Variants in CLTC observed in about 807,000 individuals in gnomAD.
The protein encoded by CLTC is clathrin heavy chain, also known as clathrin heavy chain 1.
In CLTC, 16 loss-of-function variants were observed where a neutral mutation model predicts 195.8. The observed-to-expected ratio is 0.08, with a 90% CI of 0.06 to 0.12. The LOEUF (loss-of-function observed/expected upper bound fraction) is 0.12. CLTC is among the 10% of genes least tolerant of loss of function. The pLI, the probability that CLTC is intolerant of heterozygous loss-of-function variation, is 1.00. For missense variants in CLTC, 796 were observed against 2,027.0 expected (o/e 0.39, Z 11.66); for synonymous variants, 667 against 689.4 (o/e 0.97, Z 0.51).
intron 1 of CLTC, among the ~76,000 whole-genome samples, chr17:59,622,869 A>G (rs1204114601): frequency 6.6e-6 from 1 of 152,194 alleles, no homozygotes; most frequent in African/African-American, 2.4e-5. Context: ...ACATTGTCCA[A>G]CTGAAGGATC....
chr17:59,627,664 A>C lies in CLTC; in HGVS notation c.42+7491A>C, dbSNP rs184272540. ...AACTAACATCTGACTTTATGCCTTG[A>C]ATGATTATTTAGCTGTATCTTTTTT... On this transcript the variant is annotated intron_variant, in intron 1 of 31. Coordinates refer to ENST00000269122, the MANE Select transcript of CLTC (RefSeq NM_004859.4). Among the ~76,000 whole-genome samples the C allele has an allele frequency of 3.3e-4, 50 of 152,300 alleles. 1 individual carries two copies. In the East Asian group the frequency reaches 9.6e-3, roughly 29 times the overall value.
chr17:59,632,367 C>CAAAA (rs11449653), intron 1 of CLTC, among the ~76,000 whole-genome samples: 1 of 111,536 alleles, frequency 9.0e-6, no homozygotes, highest in African/African-American at 3.7e-5. Flanking sequence ...GAATCCATCT[C>CAAAA]AAAAAAAAAA....
At position 59,694,774 on chromosome 17, in the gene CLTC, GA is replaced by G. The variant is rs1197780821; in HGVS notation, c.*924del. On this transcript the variant is annotated 3_prime_UTR_variant, in exon 32 of 32. Coordinates refer to ENST00000269122, the MANE Select transcript of CLTC (RefSeq NM_004859.4). Reference sequence around the variant, plus strand: ...ATTACTGGACTGTGGAAATAACATAGAATTGAAGTTTTAATTAAATACCACT... The same window carrying G: ...ATTACTGGACTGTGGAAATAACATAGATTGAAGTTTTAATTAAATACCACT... The G allele has an allele frequency of 1.3e-5, 3 of 225,600 alleles. No homozygotes were observed. Among genetic ancestry groups the G allele is most frequent in the Non-Finnish European group, 2.6e-5 (3 of 113,438 alleles). The allele number at this position is 225,600 out of a possible 1,614,324, so 14.0% of individuals were successfully genotyped here.
At chr17:59,646,071 GAATA>G in intron 2 of CLTC, 1 of 664,124 alleles carries the variant, frequency 1.5e-6, no homozygotes, top group Non-Finnish European at 1.9e-6. Flanking sequence ...TCTATAAAAA[GAATA>G]AATTGAAAAG....
chr17:59,631,240 A>G (rs1178544732), intron 1 of CLTC, among the ~76,000 whole-genome samples: 2 of 152,152 alleles, frequency 1.3e-5, no homozygotes, highest in Non-Finnish European at 2.9e-5. Context: ...ATACCCCTAC[A>G]TGTATCTGTG....
Position 59,666,234 on chromosome 17 carries a change from G to A in CLTC, c.1776G>A (p.Ala592=), listed in dbSNP as rs542518911. 52 of 1,613,242 alleles carry A rather than the reference G, an allele frequency of 3.2e-5. No individual in the cohort carries two copies. Among genetic ancestry groups the A allele is most frequent in the East Asian group, 2.9e-4 (13 of 44,842 alleles). The change falls in exon 11 of 32, where the codon GCG becomes GCA. Residue 592 remains alanine (A), a synonymous_variant. Coordinates refer to ENST00000269122, the MANE Select transcript of CLTC (RefSeq NM_004859.4). The surrounding 1 kb of genome is among the most constrained non-coding windows in gnomAD (Gnocchi z 4.9). ...TACTTGAGATGAACCTTATGCATGC[G>A]CCTCAAGTATGTGTTTTAATGCTTT... ...TRLLEMNLMH[A]PQVADAILGN...
At chr17:59,653,220 GTCTCTC>G (rs1192363418) in intron 5 of CLTC, among the ~76,000 whole-genome samples, 1 of 151,200 alleles carries the variant, frequency 6.6e-6, no homozygotes, top group Non-Finnish European at 1.5e-5. Context: ...TTGAGACAGA[GTCTCTC>G]TCTGTCGCCC....
intron 28 of CLTC, among the ~76,000 whole-genome samples, chr17:59,684,824 T>A (rs998086084): frequency 3.1e-4 from 28 of 91,290 alleles, no homozygotes; most frequent in Non-Finnish European, 5.0e-4. Flanking sequence ...AAGAAAAAAA[T>A]CTTGCCCTCC....
At position 59,626,040 on chromosome 17, in the gene CLTC, C is replaced by G. The variant is rs187190978; in HGVS notation, c.42+5867C>G. On this transcript the variant is annotated intron_variant, in intron 1 of 31. Coordinates refer to ENST00000269122, the MANE Select transcript of CLTC (RefSeq NM_004859.4). ...GTATCTCAACCAATGACACAATATT[C>G]ATTTACAGATCCAGTGTTTTATGGT... 4.5e-3 allele frequency among the ~76,000 whole-genome samples: 685 copies of G among 152,292 alleles called. 18 individuals carry two copies. Among genetic ancestry groups the G allele is most frequent in the Admixed American group, 0.037 (568 of 15,292 alleles).
chr17:59,630,837 A>G (rs1402912661), intron 1 of CLTC, among the ~76,000 whole-genome samples: 2 of 152,144 alleles, frequency 1.3e-5, no homozygotes, highest in Non-Finnish European at 2.9e-5. Context: ...CCTTTTGGCT[A>G]TTGTGACTAG....
At chr17:59,689,804 A>G (rs192726693) in intron 30 of CLTC, 64 of 152,272 alleles carry the variant, frequency 4.2e-4, no homozygotes, top group Non-Finnish European at 5.7e-4. Flanking sequence ...ATTTTGTTCA[A>G]TCTTCTCATT....
rs546355670 is a variant in CLTC, at chr17:59,643,542, A to T, written c.43-734A>T. ...ATAAACTCAGGATTCTTACTGAGGT[A>T]TGTTTAGCTTGTTGGTCTGGCCCTT... On this transcript the variant is annotated intron_variant, in intron 1 of 31. Transcript: ENST00000269122. Among the ~76,000 whole-genome samples the T allele has an allele frequency of 2.6e-5, 4 of 152,282 alleles. No individual in the cohort carries two copies. In the South Asian group the frequency reaches 8.3e-4, roughly 32 times the overall value.
intron 1 of CLTC, among the ~76,000 whole-genome samples, chr17:59,628,960 C>G (rs193295802): frequency 2.0e-5 from 3 of 152,084 alleles, no homozygotes; most frequent in Admixed American, 2.0e-4. Flanking sequence ...TCGTGCCTGG[C>G]CAACTTGCAT....
At chr17:59,638,843 G>A (rs2031947448) in intron 1 of CLTC, among the ~76,000 whole-genome samples, 1 of 152,014 alleles carries the variant, frequency 6.6e-6, no homozygotes, top group African/African-American at 2.4e-5. Context: ...TAGATTATGG[G>A]GAAGCCGAAG....
intron 1 of CLTC, among the ~76,000 whole-genome samples, chr17:59,637,807 C>G (rs1229572756): frequency 6.6e-6 from 1 of 151,650 alleles, no homozygotes; most frequent in Non-Finnish European, 1.5e-5. Flanking sequence ...CCCAGAGTTT[C>G]AGCCAACCTA....
At position 59,695,856 on chromosome 17, in the gene CLTC, T is replaced by C. The variant is rs892965712; in HGVS notation, c.*2004T>C. The C allele has an allele frequency of 5.2e-6, 1 of 192,488 alleles. No individual in the cohort carries two copies. The highest frequency in any genetic ancestry group is 1.1e-5 in the Non-Finnish European group (1 of 92,202). 11.9% of individuals were successfully genotyped at this position (192,488 alleles called of 1,614,324 possible). On this transcript the variant is annotated 3_prime_UTR_variant, in exon 32 of 32. Transcript: ENST00000269122. ...AGAGAAAAAAAAAATAATAATAGTA[T>C]TATGAAAACATTGACTCTGTGGAGA...
chr17:59,670,074 T>C (rs1410571944), intron 14 of CLTC, among the ~76,000 whole-genome samples: 32 of 152,214 alleles, frequency 2.1e-4, no homozygotes, highest in Admixed American at 1.8e-3. Context: ...ATATTCTGGG[T>C]AACCTAGCTG....
chr17:59,645,055 A>C (rs1489598412), intron 2 of CLTC, among the ~76,000 whole-genome samples: 1 of 152,350 alleles, frequency 6.6e-6, no homozygotes, highest in East Asian at 1.9e-4. Flanking sequence ...AATGCATTTA[A>C]ATTTTGTATC....
rs138544623 is a variant in CLTC, at chr17:59,672,638, T to A, written c.2293-1009T>A. ...CAGCTTTACAGACATTTTTATTTTT[T>A]AATTTAGGATGGCTATATTAAAATT... On this transcript the variant is annotated intron_variant, in intron 14 of 31. Coordinates refer to ENST00000269122, the MANE Select transcript of CLTC (RefSeq NM_004859.4). 1.2e-4 allele frequency among the ~76,000 whole-genome samples: 18 copies of A among 152,342 alleles called. No individual in the cohort carries two copies. The East Asian group carries it at 3.5e-3, about 29-fold the overall frequency.
Sources: gnomAD v4.1 joint callset for allele counts (sites outside exome capture counted in the v4.1 genomes callset) on GRCh38, gnomAD v4.1.1 for gene constraint, Gnocchi (gnomAD v3.1) non-coding constraint, MANE v1.5 for transcripts, NCBI Gene and HGNC (gene_info 2026-07-23, HGNC 2026-07-21) for gene names.